ANKS1B: variants seen among roughly 807,000 people sequenced by gnomAD.
The protein encoded by ANKS1B is ankyrin repeat and sterile alpha motif domain-containing protein 1B.
In ANKS1B, 36 loss-of-function variants were observed where a neutral mutation model predicts 148.3. The observed-to-expected ratio is 0.24, with a 90% CI of 0.19 to 0.32. ANKS1B has a LOEUF of 0.32. Among genes scored for constraint, ANKS1B ranks in the 10% least tolerant of loss-of-function variants. The probability of loss-of-function intolerance (pLI) is 1.00; values close to 1 mark genes in which losing one functional copy is unlikely to be tolerated. For synonymous variants in ANKS1B, 542 were observed against 560.8 expected (o/e 0.97, Z 0.47); for missense variants, 1,157 against 1,542.6 (o/e 0.75, Z 4.19).
At chr12:99,085,278 C>A (rs942863292) in intron 15 of ANKS1B, among the ~76,000 whole-genome samples, 1 of 151,986 alleles carries the variant, frequency 6.6e-6, no homozygotes, top group African/African-American at 2.4e-5. Context: ...ACTGGAGATT[C>A]ATTCGTGTGA....
intron 14 of ANKS1B, among the ~76,000 whole-genome samples, chr12:99,221,362 A>G (rs1159585363): frequency 1.3e-5 from 2 of 152,082 alleles, no homozygotes; most frequent in East Asian, 3.9e-4. Flanking sequence ...AATAAAATAA[A>G]ATTTGCATGG....
intron 25 of ANKS1B, among the ~76,000 whole-genome samples, chr12:98,771,134 A>T (rs538640499): frequency 6.6e-6 from 1 of 152,288 alleles, no homozygotes; most frequent in East Asian, 1.9e-4. Context: ...TATGGCTATA[A>T]ATGGAAGTGG....
At chr12:99,268,348 A>C (rs1239737976) in intron 12 of ANKS1B, among the ~76,000 whole-genome samples, 1 of 152,224 alleles carries the variant, frequency 6.6e-6, no homozygotes. Context: ...GGAAGCCCTA[A>C]GTTGTTAAGC....
At chr12:99,585,695 C>T (rs1198619554) in intron 9 of ANKS1B, among the ~76,000 whole-genome samples, 1 of 152,188 alleles carries the variant, frequency 6.6e-6, no homozygotes, top group Non-Finnish European at 1.5e-5. Flanking sequence ...TGAAAGTTCC[C>T]AAACCTCAAT....
At chr12:99,884,928 TA>T (rs879866342) in intron 1 of ANKS1B, among the ~76,000 whole-genome samples, 2,438 of 146,230 alleles carry the variant, frequency 0.017, 79 homozygotes, top group African/African-American at 0.057. Flanking sequence ...TTTACCTATT[TA>T]AAAAAAAAAA....
chr12:99,296,553 G>T (rs1275090262), intron 12 of ANKS1B, among the ~76,000 whole-genome samples: 1 of 152,048 alleles, frequency 6.6e-6, no homozygotes, highest in Non-Finnish European at 1.5e-5. Context: ...ATCTTTCCTT[G>T]ATTACCCAAT....
intron 9 of ANKS1B, among the ~76,000 whole-genome samples, chr12:99,528,975 G>T (rs2096960019): frequency 6.6e-6 from 1 of 152,182 alleles, no homozygotes; most frequent in Non-Finnish European, 1.5e-5. Context: ...AATATAGTTT[G>T]TGAATCTACC....
chr12:99,183,365 T>C (rs2452266), intron 14 of ANKS1B, among the ~76,000 whole-genome samples: 129,288 of 152,258 alleles, frequency 0.85, 55,475 homozygotes, highest in East Asian at 1. Flanking sequence ...TCATTGGTCT[T>C]AGGTGCAGTG....
At chr12:99,840,264 G>T (rs1712286480) in intron 1 of ANKS1B, among the ~76,000 whole-genome samples, 1 of 152,108 alleles carries the variant, frequency 6.6e-6, no homozygotes, top group African/African-American at 2.4e-5. Flanking sequence ...TAATGCTGAG[G>T]AACAGCCAGG....
At chr12:99,140,528 T>C (rs2070311445) in intron 15 of ANKS1B, among the ~76,000 whole-genome samples, 2 of 152,302 alleles carry the variant, frequency 1.3e-5, no homozygotes, top group South Asian at 4.1e-4. Context: ...CAGGCACTCT[T>C]GTCACCATCA....
chr12:99,866,917 G>A lies in ANKS1B; in HGVS notation c.135-41528C>T, dbSNP rs1011636219. On this transcript the variant is annotated intron_variant, in intron 1 of 26. Coordinates refer to ENST00000683438, the MANE Select transcript of ANKS1B (RefSeq NM_001352186.2). ...TCCATTGATTTATTTTGGGTTTTATGTGTTTTCTGTCATTGCAAGGGGTTC... is the reference window on the plus strand; with the variant it reads ...TCCATTGATTTATTTTGGGTTTTATATGTTTTCTGTCATTGCAAGGGGTTC... Among the ~76,000 whole-genome samples the A allele has an allele frequency of 9.9e-5, 15 of 152,134 alleles. No homozygotes were observed. In the East Asian group the frequency reaches 1.7e-3, roughly 18 times the overall value.
rs185549522 is a variant in ANKS1B at position 99,913,334 on chromosome 12, A to T, written c.134+70770T>A. Among the ~76,000 whole-genome samples the T allele has an allele frequency of 3.2e-4, 49 of 152,314 alleles. 1 individual carries two copies. The highest frequency in any genetic ancestry group is 1.0e-3 in the African/African-American group (42 of 41,588). ...AGAAGTAGAAACAGCATAATTTTTT[A>T]AAAAAGGAAACATCAAATTTTGTAT... On this transcript the variant is annotated intron_variant, in intron 1 of 26. Coordinates refer to ENST00000683438, the MANE Select transcript of ANKS1B (RefSeq NM_001352186.2).
rs1347833621 is a variant in ANKS1B, at chr12:99,504,628, T to A, written c.1286A>T (p.Lys429Met). The A allele has an allele frequency of 1.3e-6, 2 of 1,586,512 alleles. No individual in the cohort carries two copies. Among genetic ancestry groups the A allele is most frequent in the South Asian group, 1.2e-5 (1 of 86,078 alleles). Residue 429 changes from lysine to methionine, a missense_variant, in exon 10 of 27, where the codon AAG becomes ATG. Lys to Met is a moderately conservative substitution (Grantham distance 95, BLOSUM62 -1). This residue lies in a region of ANKS1B where 661 missense variants were observed against 642.1 expected (regional missense o/e 1.03). Transcript: ENST00000683438. Reference sequence around the variant, plus strand: ...AATTTCCATAGTGTAATTTCTCTTCTTTGGATAGGACTCCTGAAAAGAAGA... The same window carrying A: ...AATTTCCATAGTGTAATTTCTCTTCATTGGATAGGACTCCTGAAAAGAAGA... Reference protein sequence around the residue: ...FPMLAQESYPKKRNYTMEIVP... With the variant: ...FPMLAQESYPMKRNYTMEIVP...
At chr12:99,798,758 A>G (rs2066575534) in intron 4 of ANKS1B, among the ~76,000 whole-genome samples, 2 of 152,072 alleles carry the variant, frequency 1.3e-5, no homozygotes, top group African/African-American at 4.8e-5. Context: ...CAAAAGAAGA[A>G]ATCTCCCTCT....
At chr12:99,114,751 C>CA (rs565604867) in intron 15 of ANKS1B, among the ~76,000 whole-genome samples, 1,346 of 127,808 alleles carry the variant, frequency 0.011, 19 homozygotes, top group South Asian at 0.055. Context: ...GACTCTGTCT[C>CA]AAAAAAAAAA....
chr12:99,955,211 A>C (rs1386364710), intron 1 of ANKS1B, among the ~76,000 whole-genome samples: 1 of 151,828 alleles, frequency 6.6e-6, no homozygotes, highest in Non-Finnish European at 1.5e-5. Context: ...ACTAATCCTA[A>C]TCATCTATTT....
chr12:99,551,632 G>A (rs917616571), intron 9 of ANKS1B, among the ~76,000 whole-genome samples: 1 of 151,958 alleles, frequency 6.6e-6, no homozygotes, highest in African/African-American at 2.4e-5. Context: ...AAAGACTTCA[G>A]AAAAGAGATG....
intron 19 of ANKS1B, among the ~76,000 whole-genome samples, chr12:98,817,402 T>A (rs1304672870): frequency 1.3e-5 from 2 of 152,222 alleles, no homozygotes; most frequent in African/African-American, 2.4e-5. Context: ...CTTTCAGCAG[T>A]GACAGCCCCA....
intron 10 of ANKS1B, among the ~76,000 whole-genome samples, chr12:99,457,046 G>A (rs752271795): frequency 4.6e-5 from 7 of 152,144 alleles, no homozygotes; most frequent in African/African-American, 9.7e-5. Context: ...AAACTTATCA[G>A]ATTAACAGCA....
Sources: allele counts gnomAD v4.1 joint callset (sites outside exome capture counted in the v4.1 genomes callset), GRCh38; gene constraint gnomAD v4.1.1; regional missense constraint gnomAD v4.1.1; transcripts MANE v1.5; gene names NCBI Gene and HGNC (gene_info 2026-07-23, HGNC 2026-07-21).